MYO5B: variants seen among roughly 807,000 people sequenced by gnomAD.
The protein encoded by MYO5B is unconventional myosin-Vb.
MYO5B carries 143 observed loss-of-function variants against 229.3 expected under a neutral mutation model. The ratio of observed to expected loss-of-function variants is 0.62; its 90% confidence interval spans 0.54 to 0.72. MYO5B has a LOEUF of 0.72. Ranked by LOEUF, MYO5B falls within the 30% of genes least tolerant of loss-of-function variation. The probability of loss-of-function intolerance (pLI) is 0.00; values close to 1 mark genes in which losing one functional copy is unlikely to be tolerated. For synonymous variants in MYO5B, 918 were observed against 885.2 expected, an observed-to-expected ratio of 1.04 and a Z score of -0.66; for missense variants, 2,321 against 2,331.0, an observed-to-expected ratio of 1.00 and a Z score of 0.09.
intron 16 of MYO5B, among the ~76,000 whole-genome samples, chr18:49,930,744 T>C (rs1462685249): frequency 2.0e-5 from 3 of 151,914 alleles, no homozygotes; most frequent in Non-Finnish European, 4.4e-5. Flanking sequence ...TATAAAAAAT[T>C]AGCTGGGCGT....
At position 49,823,321 on chromosome 18, in the gene MYO5B, A is replaced by T. The variant is rs1186546472; in HGVS notation, c.*3150T>A. The T allele has an allele frequency of 6.6e-6, 1 of 152,270 alleles. No homozygotes were observed. Among genetic ancestry groups the T allele is most frequent in the Non-Finnish European group, 1.5e-5 (1 of 68,038 alleles). 9.4% of individuals were successfully genotyped at this position (152,270 alleles called of 1,614,324 possible). ...TTAATTGGAGAAACTGACCACAAAT[A>T]TTCTGTGAAGAACTACAAGGTCTTG... On this transcript the variant is annotated 3_prime_UTR_variant, in exon 40 of 40. Coordinates refer to ENST00000285039, the MANE Select transcript of MYO5B (RefSeq NM_001080467.3).
At chr18:50,070,019 T>C (rs1413894863) in intron 1 of MYO5B, among the ~76,000 whole-genome samples, 1 of 59,992 alleles carries the variant, frequency 1.7e-5, no homozygotes, top group African/African-American at 8.7e-5. Flanking sequence ...CAATTTAGTC[T>C]TTTTTTTTTT....
At position 49,895,079 on chromosome 18, in the gene MYO5B, G is replaced by A. The variant is rs1598864092; in HGVS notation, c.2907C>T (p.Tyr969=). 2 of 1,614,192 alleles carry A rather than the reference G, an allele frequency of 1.2e-6. No homozygotes were observed. The highest frequency in any genetic ancestry group is 1.3e-5 in the African/African-American group (1 of 75,060). The change falls in exon 22 of 40, where the codon TAC becomes TAT. Residue 969 remains tyrosine, a synonymous_variant. Coordinates refer to ENST00000285039, the MANE Select transcript of MYO5B (RefSeq NM_001080467.3). Reference sequence around the variant, plus strand: ...TGGTGTCCTCACCTGGGCTCTGCTGGTAGTGCACCAGCTCCTTCTTCAGCC... The same window carrying A: ...TGGTGTCCTCACCTGGGCTCTGCTGATAGTGCACCAGCTCCTTCTTCAGCC... ...VERLKKELVH[Y]QQSPGEDTSL... is the part of the protein sequence containing the mutation.
chr18:50,021,500 G>C (rs2026274212), intron 4 of MYO5B, among the ~76,000 whole-genome samples: 1 of 152,152 alleles, frequency 6.6e-6, no homozygotes, highest in African/African-American at 2.4e-5. Context: ...GTTACGGCAA[G>C]AGCCATGAGG....
At chr18:50,087,866 G>C (rs1470310782) in intron 1 of MYO5B, among the ~76,000 whole-genome samples, 1 of 152,164 alleles carries the variant, frequency 6.6e-6, no homozygotes, top group African/African-American at 2.4e-5. Flanking sequence ...TGGGGACTCA[G>C]CCCTCATGCT....
At position 49,839,377 on chromosome 18, in the gene MYO5B, A is replaced by G. The variant is rs1295237120; in HGVS notation, c.4702-83T>C. On this transcript the variant is annotated intron_variant, in intron 35 of 39. Transcript: ENST00000285039. Reference sequence around the variant, plus strand: ...TTCCAGGGCTCTGGTAACTTTAGTCATCTATTTGGTGGGCAGGGGGCCTAC... The same window carrying G: ...TTCCAGGGCTCTGGTAACTTTAGTCGTCTATTTGGTGGGCAGGGGGCCTAC... 9 of 1,538,488 alleles carry G rather than the reference A, an allele frequency of 5.8e-6. No homozygotes were observed. The East Asian group carries it at 2.0e-4, about 35-fold the overall frequency.
At chr18:49,932,983 A>G (rs1337191039) in intron 16 of MYO5B, among the ~76,000 whole-genome samples, 1 of 152,248 alleles carries the variant, frequency 6.6e-6, no homozygotes, top group Non-Finnish European at 1.5e-5. Flanking sequence ...AGAAGGTCAC[A>G]GTGCTGAAAC....
intron 30 of MYO5B, 96 bp from the exon 31 acceptor site, chr18:49,853,743 C>T: frequency 8.7e-7 from 1 of 1,154,612 alleles, no homozygotes; most frequent in Non-Finnish European, 1.2e-6. Context: ...CAGCCAAGCA[C>T]ACAGCAGCAG....
chr18:50,004,126 A>G (rs1037729007), intron 4 of MYO5B, among the ~76,000 whole-genome samples: 1 of 152,224 alleles, frequency 6.6e-6, no homozygotes, highest in African/African-American at 2.4e-5. Context: ...TTTTCAGGAA[A>G]GAGAGCAACT....
intron 1 of MYO5B, among the ~76,000 whole-genome samples, chr18:50,136,341 ATTTGTTT>A (rs1367694923): frequency 1.5e-5 from 2 of 134,104 alleles, no homozygotes; most frequent in African/African-American, 5.5e-5. Context: ...TCAACTGGAT[ATTTGTTT>A]TTTGTTTTTT....
At chr18:50,174,096 G>A (rs1196710613) in intron 1 of MYO5B, among the ~76,000 whole-genome samples, 1 of 152,090 alleles carries the variant, frequency 6.6e-6, no homozygotes, top group Non-Finnish European at 1.5e-5. Flanking sequence ...CTCAAGTTGG[G>A]ACATTGATCT....
intron 3 of MYO5B, among the ~76,000 whole-genome samples, chr18:50,039,686 A>G (rs2029948039): frequency 6.6e-6 from 1 of 152,230 alleles, no homozygotes; most frequent in Non-Finnish European, 1.5e-5. Flanking sequence ...AAAATATGTT[A>G]TGAATTTTGC....
rs1227467244 is a variant in MYO5B, at chr18:49,996,955, AG to A, written c.612+4299del. 4.7e-4 allele frequency among the ~76,000 whole-genome samples: 71 copies of A among 152,342 alleles called. 1 individual carries two copies. The South Asian group carries it at 0.014, about 29-fold the overall frequency. On this transcript the variant is annotated intron_variant, in intron 5 of 39. Coordinates refer to ENST00000285039, the MANE Select transcript of MYO5B (RefSeq NM_001080467.3). ...CAGATTCTTGTAAAAATGGGTTAACAGTGTCTGGCTTTCTTCTTTGCCCTAA... is the reference window on the plus strand; with the variant it reads ...CAGATTCTTGTAAAAATGGGTTAACATGTCTGGCTTTCTTCTTTGCCCTAA...
chr18:50,159,222 A>G (rs1325168034), intron 1 of MYO5B, among the ~76,000 whole-genome samples: 9 of 152,148 alleles, frequency 5.9e-5, no homozygotes. Flanking sequence ...CCTGACTCCT[A>G]AGAAATCATG....
intron 2 of MYO5B, among the ~76,000 whole-genome samples, chr18:50,044,327 A>C (rs745585205): frequency 1.5e-4 from 23 of 152,132 alleles, no homozygotes; most frequent in Non-Finnish European, 2.5e-4. Flanking sequence ...TTTACAGCTA[A>C]TATGGTTTTA....
At chr18:49,973,042 A>G (rs1240304741) in intron 10 of MYO5B, among the ~76,000 whole-genome samples, 1 of 152,096 alleles carries the variant, frequency 6.6e-6, no homozygotes, top group Non-Finnish European at 1.5e-5. Flanking sequence ...TAGCTCCCAC[A>G]TAAAGCTTGC....
chr18:50,101,701 C>T (rs1476767712), intron 1 of MYO5B, among the ~76,000 whole-genome samples: 2 of 152,122 alleles, frequency 1.3e-5, no homozygotes, highest in African/African-American at 4.8e-5. Context: ...CCATCTCATG[C>T]AGATCAGAAT....
intron 30 of MYO5B, among the ~76,000 whole-genome samples, chr18:49,854,621 C>T (rs556822424): frequency 1.1e-4 from 16 of 152,232 alleles, no homozygotes; most frequent in Admixed American, 2.6e-4. Context: ...GACATGGTTA[C>T]ATGGAAAAAA....
chr18:50,128,185 T>G (rs1172667605), intron 1 of MYO5B, among the ~76,000 whole-genome samples: 1 of 152,174 alleles, frequency 6.6e-6, no homozygotes, highest in Non-Finnish European at 1.5e-5. Context: ...AGAATCCTAA[T>G]ACACTACTAT....
Sources: allele counts gnomAD v4.1 joint callset (sites outside exome capture counted in the v4.1 genomes callset), GRCh38; gene constraint gnomAD v4.1.1; transcripts MANE v1.5; gene names NCBI Gene and HGNC (gene_info 2026-07-23, HGNC 2026-07-21).